RNF19A: variants seen among roughly 807,000 people sequenced by gnomAD.
RNF19A encodes E3 ubiquitin-protein ligase RNF19A.
RNF19A carries 32 observed loss-of-function variants against 75.7 expected under a neutral mutation model. The observed-to-expected ratio is 0.42, with a 90% CI of 0.32 to 0.57. The LOEUF (loss-of-function observed/expected upper bound fraction) is 0.57. Ranked by LOEUF, RNF19A falls within the 20% of genes least tolerant of loss-of-function variation. RNF19A has a pLI of 0.10. For missense variants in RNF19A, 782 were observed against 1,036.3 expected (o/e 0.75, Z 3.37); for synonymous variants, 335 against 345.2 (o/e 0.97, Z 0.33).
intron 2 of RNF19A, among the ~76,000 whole-genome samples, chr8:100,281,578 A>G (rs1820784730): frequency 6.6e-6 from 1 of 152,220 alleles, no homozygotes; most frequent in African/African-American, 2.4e-5. Context: ...AAACATACCT[A>G]ACATGAAATG....
At chr8:100,273,155 T>G (rs941442021) in intron 3 of RNF19A, among the ~76,000 whole-genome samples, 1 of 151,978 alleles carries the variant, frequency 6.6e-6, no homozygotes, top group African/African-American at 2.4e-5. Flanking sequence ...GTGTGAGCCA[T>G]TGCGCCCAGC....
At chr8:100,270,040 A>G in intron 3 of RNF19A, 27 bp from the exon 4 acceptor site, 1 of 1,520,748 alleles carries the variant, frequency 6.6e-7, no homozygotes, top group Non-Finnish European at 8.8e-7. Flanking sequence ...GAAATCTATT[A>G]AGTACATAAA....
chr8:100,308,706 G>C (rs906013750), intron 1 of RNF19A, among the ~76,000 whole-genome samples: 2 of 151,820 alleles, frequency 1.3e-5, no homozygotes, highest in Non-Finnish European at 2.9e-5. Context: ...AAAAAATGTG[G>C]AATGTAAAGA....
chr8:100,264,808 TGG>T lies in RNF19A; in HGVS notation c.1192-25_1192-24del. ...AATCTTGAATTAATAAAAATAGGGG[TGG>T]GGGATTAAAGAGAAAATACATTACA... is the stretch of plus-strand genomic sequence containing the variant. On this transcript the variant is annotated intron_variant, in intron 5 of 9. Coordinates refer to ENST00000341084, the MANE Select transcript of RNF19A (RefSeq NM_183419.4). This position sits in a 1 kb window ranked among gnomAD's most constrained non-coding sequence, Gnocchi z 4.7. 1 of 1,507,342 alleles carries T rather than the reference TGG, an allele frequency of 6.6e-7. No individual in the cohort carries two copies. The highest frequency in any genetic ancestry group is 9.2e-7 in the Non-Finnish European group (1 of 1,083,904). The allele number at this position is 1,507,342 out of a possible 1,614,324, so 93.4% of individuals were successfully genotyped here.
In RNF19A at chr8:100,325,178, G is replaced by C. The variant is rs1343461454; in HGVS notation, c.-243+10930C>G. 6.6e-6 allele frequency among the ~76,000 whole-genome samples: 1 copy of C among 152,174 alleles called. No homozygotes were observed. The highest frequency in any genetic ancestry group is 2.4e-5 in the African/African-American group (1 of 41,438). On this transcript the variant is annotated intron_variant, in intron 1 of 3. Coordinates refer to the RNF19A transcript ENST00000519527. This position sits in a 1 kb window ranked among gnomAD's most constrained non-coding sequence, Gnocchi z 4.3. ...CTGCCCTGGCCTCCCAAAGTCCTGG[G>C]ATTATAGGCATGAGCCACTGCGCCC...
chr8:100,265,675 T>TTA (rs1819939804), intron 5 of RNF19A, among the ~76,000 whole-genome samples: 1 of 152,216 alleles, frequency 6.6e-6, no homozygotes, highest in African/African-American at 2.4e-5. Flanking sequence ...TAATCTATTA[T>TTA]TACATGGTAT....
intron 1 of RNF19A, among the ~76,000 whole-genome samples, chr8:100,335,043 A>T (rs1361502031): frequency 2.6e-5 from 4 of 152,196 alleles, no homozygotes; most frequent in Non-Finnish European, 5.9e-5. Flanking sequence ...TTTAATTGGA[A>T]ATGCAATACA....
intron 1 of RNF19A, among the ~76,000 whole-genome samples, chr8:100,292,435 G>GGGGGGTGTGTGTGTGT (rs137938989): frequency 6.9e-6 from 1 of 145,332 alleles, no homozygotes; most frequent in African/African-American, 2.5e-5. Context: ...CTATCATATG[G>GGGGGGTGTGTGTGTGT]GTGTGTGTGT....
upstream of RNF19A, among the ~76,000 whole-genome samples, chr8:100,314,804 T>C (rs142190365): frequency 6.6e-6 from 1 of 152,284 alleles, no homozygotes; most frequent in Non-Finnish European, 1.5e-5. The surrounding 1 kb of genome is among the most constrained non-coding windows in gnomAD (Gnocchi z 4.1). Context: ...CTGTATAAAG[T>C]ACTTCATTGT....
intron 7 of RNF19A, among the ~76,000 whole-genome samples, chr8:100,262,403 G>A (rs1169952734): frequency 6.6e-6 from 1 of 152,206 alleles, no homozygotes; most frequent in African/African-American, 2.4e-5. Context: ...GACAAATGAA[G>A]TAAAACAGTG....
At chr8:100,273,547 T>C (rs972890154) in intron 3 of RNF19A, among the ~76,000 whole-genome samples, 12 of 152,206 alleles carry the variant, frequency 7.9e-5, no homozygotes, top group Non-Finnish European at 1.6e-4. Context: ...GGTGACTACG[T>C]TGAGGAAGAC....
At chr8:100,309,458 C>A (rs1265866320) in intron 1 of RNF19A, 5 of 985,410 alleles carry the variant, frequency 5.1e-6, no homozygotes, top group Non-Finnish European at 6.0e-6. Context: ...CCCGCGGCAA[C>A]CGCCCTTGGG....
intron 2 of RNF19A, among the ~76,000 whole-genome samples, chr8:100,282,117 G>A (rs1820805849): frequency 6.6e-6 from 1 of 152,142 alleles, no homozygotes. Flanking sequence ...CAGCCATTTT[G>A]GCTGCATATC....
At chr8:100,298,120 A>C (rs1389094816) in intron 1 of RNF19A, among the ~76,000 whole-genome samples, 2 of 152,114 alleles carry the variant, frequency 1.3e-5, no homozygotes, top group Non-Finnish European at 2.9e-5. Context: ...TGGTACATAT[A>C]ATCACTTAAG....
intron 1 of RNF19A, among the ~76,000 whole-genome samples, chr8:100,296,589 AT>A (rs1821576136): frequency 1.4e-5 from 1 of 70,936 alleles, no homozygotes; most frequent in Non-Finnish European, 3.9e-5. Flanking sequence ...TAATTTGTGA[AT>A]ATATATATAT....
chr8:100,280,521 T>C (rs1820733578), intron 2 of RNF19A, among the ~76,000 whole-genome samples: 1 of 152,186 alleles, frequency 6.6e-6, no homozygotes, highest in South Asian at 2.1e-4. Flanking sequence ...AAAGGTAAGA[T>C]GTCCTACCCC....
chr8:100,265,951 T>TC (rs1278471361), intron 5 of RNF19A, among the ~76,000 whole-genome samples: 1 of 152,166 alleles, frequency 6.6e-6, no homozygotes, highest in Non-Finnish European at 1.5e-5. Context: ...TTCCTGCTCC[T>TC]CCCCACTCCC....
chr8:100,316,287 G>A (rs1216307750), intron 1 of RNF19A, among the ~76,000 whole-genome samples: 1 of 152,130 alleles, frequency 6.6e-6, no homozygotes, highest in Non-Finnish European at 1.5e-5. Context: ...CCCAAAGGGT[G>A]AGCAGTAGCA....
At chr8:100,271,842 T>C (rs1199400467) in intron 3 of RNF19A, among the ~76,000 whole-genome samples, 1 of 152,178 alleles carries the variant, frequency 6.6e-6, no homozygotes, top group Non-Finnish European at 1.5e-5. Flanking sequence ...ACCCTCATGA[T>C]GCAAAAATCC....
Sources: gnomAD v4.1 joint callset for allele counts (sites outside exome capture counted in the v4.1 genomes callset) on GRCh38, gnomAD v4.1.1 for gene constraint, Gnocchi (gnomAD v3.1) non-coding constraint, MANE v1.5 for transcripts, NCBI Gene and HGNC (gene_info 2026-07-23, HGNC 2026-07-21) for gene names.